ACAN: variants seen among roughly 807,000 people sequenced by gnomAD.
ACAN encodes aggrecan.
In ACAN, 47 loss-of-function variants were observed where a neutral mutation model predicts 169.1. That is an observed-to-expected ratio of 0.28 (90% CI 0.22 to 0.35). The LOEUF is 0.35. ACAN is among the 10% of genes least tolerant of loss of function. The pLI, the probability that ACAN is intolerant of heterozygous loss-of-function variation, is 1.00. For synonymous variants in ACAN, 1,115 were observed against 1,112.2 expected (o/e 1.00, Z -0.05); for missense variants, 2,716 against 2,759.9 (o/e 0.98, Z 0.36).
intron 5 of ACAN, among the ~76,000 whole-genome samples, chr15:88,842,209 T>C (rs1896678881): frequency 6.6e-6 from 1 of 152,158 alleles, no homozygotes; most frequent in African/African-American, 2.4e-5. Context: ...AGGTCCACCA[T>C]GCTGTCAAAG....
Position 88,858,358 on chromosome 15 carries a change from A to C in ACAN, c.5773A>C (p.Ser1925Arg), listed in dbSNP as rs1027660251. ...SSLPSGAYYGSGTPSSFPTVS... is the reference protein window; with the variant it reads ...SSLPSGAYYGRGTPSSFPTVS... Reference sequence around the variant, plus strand: ...CCTGCCCTCGGGAGCATATTATGGCAGTGGAACTCCATCTAGTTTCCCCAC... The same window carrying C: ...CCTGCCCTCGGGAGCATATTATGGCCGTGGAACTCCATCTAGTTTCCCCAC... Residue 1925 changes from serine (S) to arginine (R), a missense_variant, in exon 12 of 19, where the codon AGT (serine) becomes CGT (arginine). Around this residue, in one of 3 missense-constraint regions of ACAN, gnomAD observed 1,389 missense variants for 1,363.7 expected, o/e 1.02. Coordinates refer to ENST00000560601, the MANE Select transcript of ACAN (RefSeq NM_001369268.1). This position sits in a 1 kb window ranked among gnomAD's most constrained non-coding sequence, Gnocchi z 4.0. 3 of 1,613,962 alleles carry C rather than the reference A, an allele frequency of 1.9e-6. No homozygotes were observed. Among genetic ancestry groups the C allele is most frequent in the Non-Finnish European group, 2.5e-6 (3 of 1,179,902 alleles).
Position 88,814,202 on chromosome 15 carries a change from A to T in ACAN, c.-8+10393A>T, listed in dbSNP as rs897199952. 1.3e-5 allele frequency among the ~76,000 whole-genome samples: 2 copies of T among 151,778 alleles called. No individual in the cohort carries two copies. The highest frequency in any genetic ancestry group is 2.9e-5 in the Non-Finnish European group (2 of 67,974). On this transcript the variant is annotated intron_variant, in intron 1 of 18. Transcript: ENST00000560601. The surrounding 1 kb of genome is among the most constrained non-coding windows in gnomAD (Gnocchi z 4.0). ...CCTCATCTGTGAATTGGGTATAATG[A>T]CTCCTTCCCGATAGATTTGTTGGGA...
chr15:88,849,762 C>G lies in ACAN; in HGVS notation c.2026+31C>G. 1 of 1,608,696 alleles carries G rather than the reference C, an allele frequency of 6.2e-7. No individual in the cohort carries two copies. Among genetic ancestry groups the G allele is most frequent in the African/African-American group, 1.3e-5 (1 of 74,918 alleles). ...CAGCCTCACTTCGGCTCCAACAGCC[C>G]CTTTTGTCTGGAGAGGACCCCACTG... On this transcript the variant is annotated intron_variant, in intron 10 of 18. Coordinates refer to ENST00000560601, the MANE Select transcript of ACAN (RefSeq NM_001369268.1). This position sits in a 1 kb window ranked among gnomAD's most constrained non-coding sequence, Gnocchi z 5.1.
At chr15:88,840,950 C>T (rs906337684) in intron 4 of ACAN, among the ~76,000 whole-genome samples, 7 of 152,118 alleles carry the variant, frequency 4.6e-5, no homozygotes, top group African/African-American at 9.7e-5. Context: ...CGAGACCATC[C>T]TAGCTAACAT....
In ACAN at chr15:88,873,519, T is replaced by C. The variant is rs965296436; in HGVS notation, c.7448-323T>C. 3.3e-5 allele frequency among the ~76,000 whole-genome samples: 5 copies of C among 152,196 alleles called. No homozygotes were observed. The highest frequency in any genetic ancestry group is 2.1e-4 in the South Asian group (1 of 4,824). On this transcript the variant is annotated intron_variant, in intron 17 of 18. Coordinates refer to ENST00000560601, the MANE Select transcript of ACAN (RefSeq NM_001369268.1). This position sits in a 1 kb window ranked among gnomAD's most constrained non-coding sequence, Gnocchi z 7.5. ...GCGTCCCCCAGGCCTCCTTTCAGTC[T>C]CATTTTCCCCTGAACTAGATGTTTT...
At chr15:88,823,648 G>T (rs1051081477) in intron 1 of ACAN, among the ~76,000 whole-genome samples, 1 of 152,166 alleles carries the variant, frequency 6.6e-6, no homozygotes, top group East Asian at 1.9e-4. Flanking sequence ...GGCCATCCAC[G>T]GCTGCAGCCA....
intron 5 of ACAN, among the ~76,000 whole-genome samples, chr15:88,842,344 CT>C: frequency 6.6e-6 from 1 of 152,328 alleles, no homozygotes; most frequent in East Asian, 1.9e-4. Flanking sequence ...TTGGACAGAG[CT>C]GGGGGCAGTG....
chr15:88,815,531 C>T (rs1422482972), intron 1 of ACAN, among the ~76,000 whole-genome samples: 1 of 148,276 alleles, frequency 6.7e-6, no homozygotes, highest in Non-Finnish European at 1.5e-5. Context: ...TGCACTCCAG[C>T]CTGGGTGACA....
chr15:88,873,521 A>G lies in ACAN; in HGVS notation c.7448-321A>G, dbSNP rs1367229077. Among the ~76,000 whole-genome samples, 1 of 151,796 alleles carries G rather than the reference A, an allele frequency of 6.6e-6. No individual in the cohort carries two copies. The highest frequency in any genetic ancestry group is 1.5e-5 in the Non-Finnish European group (1 of 67,956). On this transcript the variant is annotated intron_variant, in intron 17 of 18. Coordinates refer to ENST00000560601, the MANE Select transcript of ACAN (RefSeq NM_001369268.1). This position sits in a 1 kb window ranked among gnomAD's most constrained non-coding sequence, Gnocchi z 7.5. ...GTCCCCCAGGCCTCCTTTCAGTCTC[A>G]TTTTCCCCTGAACTAGATGTTTTCA...
In ACAN at chr15:88,848,071, G is replaced by A. The variant is rs538630041; in HGVS notation, c.1732+33G>A. On this transcript the variant is annotated intron_variant, in intron 9 of 18. Transcript: ENST00000560601. Reference sequence around the variant, plus strand: ...CCACATTCTCACATTTCGGGCCCTAGATGGGCAGGGGGTGGGCAGGGAGCT... The same window carrying A: ...CCACATTCTCACATTTCGGGCCCTAAATGGGCAGGGGGTGGGCAGGGAGCT... The A allele has an allele frequency of 1.6e-4, 254 of 1,607,466 alleles. 4 individuals carry two copies. The South Asian group carries it at 2.7e-3, about 17-fold the overall frequency.
At chr15:88,846,179 C>T (rs1211253177) in intron 7 of ACAN, among the ~76,000 whole-genome samples, 1 of 152,176 alleles carries the variant, frequency 6.6e-6, no homozygotes, top group African/African-American at 2.4e-5. Context: ...TGGAGAACAA[C>T]TGGGCTCCTT....
rs907473753 is a variant in ACAN, at chr15:88,874,342, C to T, written c.7631-63C>T. On this transcript the variant is annotated intron_variant, in intron 18 of 18. Coordinates refer to ENST00000560601, the MANE Select transcript of ACAN (RefSeq NM_001369268.1). This position sits in a 1 kb window ranked among gnomAD's most constrained non-coding sequence, Gnocchi z 7.3. ...GGGAGAGAGGGTAGTCTGGGGAGAG[C>T]CTGGGCTCGCCCCACTTTCTTTCCA... The T allele has an allele frequency of 2.1e-6, 3 of 1,459,738 alleles. No homozygotes were observed. The African/African-American group carries it at 4.2e-5, about 21-fold the overall frequency. The allele number at this position is 1,459,738 out of a possible 1,614,324, so 90.4% of individuals were successfully genotyped here.
chr15:88,849,647 C>G lies in ACAN; in HGVS notation c.1942C>G (p.Pro648Ala). Reference sequence around the variant, plus strand: ...AAGGCCTGCCTGCGGTGGGGACAAGCCAGGCGTGAGAACGGTCTACCTCTA... The same window carrying G: ...AAGGCCTGCCTGCGGTGGGGACAAGGCAGGCGTGAGAACGGTCTACCTCTA... The part of the protein sequence containing the change: ...TPRPACGGDK[P>A]GVRTVYLYPN... The change falls in exon 10 of 19, where the codon CCA (proline) becomes GCA (alanine). Residue 648 changes from proline to alanine, a missense_variant. Pro to Ala is a conservative substitution (Grantham distance 27, BLOSUM62 -1). Coordinates refer to ENST00000560601, the MANE Select transcript of ACAN (RefSeq NM_001369268.1). The surrounding 1 kb of genome is among the most constrained non-coding windows in gnomAD (Gnocchi z 5.1). 1 of 1,613,504 alleles carries G rather than the reference C, an allele frequency of 6.2e-7. No individual in the cohort carries two copies. The highest frequency in any genetic ancestry group is 8.5e-7 in the Non-Finnish European group (1 of 1,179,796).
At position 88,858,270 on chromosome 15, in the gene ACAN, T is replaced by C; in HGVS notation, c.5685T>C (p.Ser1895=). The stretch of plus-strand genomic sequence containing the variant: ...TTACATCCCAGACTCCGGAATTCAG[T>C]GGCCTACCAAGTGGCATAGCTGAGG... ...SGFTSQTPEF[S]GLPSGIAEVS... Residue 1895 remains serine (S), a synonymous_variant, in exon 12 of 19, where the codon AGT becomes AGC. Coordinates refer to ENST00000560601, the MANE Select transcript of ACAN (RefSeq NM_001369268.1). The surrounding 1 kb of genome is among the most constrained non-coding windows in gnomAD (Gnocchi z 4.0). The C allele has an allele frequency of 6.2e-7, 1 of 1,613,934 alleles. No individual in the cohort carries two copies. The highest frequency in any genetic ancestry group is 1.1e-5 in the South Asian group (1 of 91,080).
chr15:88,858,774 A>G lies in ACAN; in HGVS notation c.6189A>G (p.Thr2063=). The G allele has an allele frequency of 6.2e-7, 1 of 1,613,814 alleles. No individual in the cohort carries two copies. The highest frequency in any genetic ancestry group is 8.5e-7 in the Non-Finnish European group (1 of 1,179,846). The stretch of plus-strand genomic sequence containing the variant: ...GCCAAAGGCCCCCTGTGACACACAC[A>G]CCCCAGCTTTTTGAGTCCAGTGGAA... ...ELGQRPPVTH[T]PQLFESSGKV... Residue 2063 remains threonine (T), a synonymous_variant, in exon 12 of 19, where the codon ACA becomes ACG. Coordinates refer to ENST00000560601, the MANE Select transcript of ACAN (RefSeq NM_001369268.1). The surrounding 1 kb of genome is among the most constrained non-coding windows in gnomAD (Gnocchi z 4.0).
intron 5 of ACAN, among the ~76,000 whole-genome samples, chr15:88,842,331 T>C (rs569129430): frequency 1.3e-5 from 2 of 152,272 alleles, no homozygotes; most frequent in East Asian, 1.9e-4. Context: ...CCCAGCTCTG[T>C]TCTTGGACAG....
rs760672233 is a variant in ACAN at position 88,851,843 on chromosome 15, A to G, written c.2076A>G (p.Thr692=). 1.2e-6 allele frequency: 2 copies of G among 1,611,032 alleles called. No individual in the cohort carries two copies. The change falls in exon 11 of 19, where the codon ACA becomes ACG. Residue 692 remains threonine (T), a synonymous_variant. Coordinates refer to ENST00000560601, the MANE Select transcript of ACAN (RefSeq NM_001369268.1). This position sits in a 1 kb window ranked among gnomAD's most constrained non-coding sequence, Gnocchi z 4.3. ...SPGEEEGGTP[T]SPSGVEEWIV... is the part of the protein sequence containing the mutation. ...GAGAAGAAGAGGGTGGCACACCCAC[A>G]TCACCCTCTGGTGTGGAGGAGTGGA...
intron 1 of ACAN, among the ~76,000 whole-genome samples, chr15:88,813,077 T>C (rs1895860208): frequency 1.3e-5 from 2 of 152,240 alleles, no homozygotes; most frequent in Non-Finnish European, 2.9e-5. Context: ...GAAATCTCCA[T>C]GCAGCAAAAG....
intron 11 of ACAN, among the ~76,000 whole-genome samples, chr15:88,852,726 T>C (rs1013327170): frequency 6.6e-6 from 1 of 152,186 alleles, no homozygotes; most frequent in African/African-American, 2.4e-5. Flanking sequence ...AGGTGATAGA[T>C]GTAGAGTGTC....
Sources: allele counts gnomAD v4.1 joint callset (sites outside exome capture counted in the v4.1 genomes callset), GRCh38; gene constraint gnomAD v4.1.1; regional missense constraint gnomAD v4.1.1; non-coding constraint Gnocchi (gnomAD v3.1); transcripts MANE v1.5; gene names NCBI Gene and HGNC (gene_info 2026-07-23, HGNC 2026-07-21).